The following CCDC85C variants were observed in gnomAD, a reference collection of about 807,000 sequenced individuals.
The protein encoded by CCDC85C is coiled-coil domain containing 85C, also known as coiled-coil domain-containing protein 85C.
Under a neutral mutation model 38.3 loss-of-function variants are expected in CCDC85C, and 18 were observed. The observed-to-expected ratio is 0.47, with a 90% CI of 0.33 to 0.70. CCDC85C has a LOEUF of 0.70. Among genes scored for constraint, CCDC85C ranks in the 30% least tolerant of loss-of-function variants. The pLI is 0.03. For synonymous variants in CCDC85C, 264 were observed against 293.8 expected (o/e 0.90, Z 1.04); for missense variants, 566 against 621.2 (o/e 0.91, Z 0.94).
At chr14:99,574,410 A>G (rs963337583) in intron 1 of CCDC85C, among the ~76,000 whole-genome samples, 2 of 151,960 alleles carry the variant, frequency 1.3e-5, no homozygotes, top group African/African-American at 4.8e-5. Context: ...TCCCCCAAAC[A>G]GGTCCTGTCA....
At chr14:99,561,587 C>G (rs914148398) in intron 1 of CCDC85C, among the ~76,000 whole-genome samples, 3 of 152,194 alleles carry the variant, frequency 2.0e-5, no homozygotes, top group East Asian at 3.9e-4. Context: ...TGCAGTGGCT[C>G]CTGGCTCAGA....
chr14:99,510,127 G>C lies in CCDC85C; in HGVS notation c.*5119C>G, dbSNP rs771078456. The C allele has an allele frequency of 5.7e-6, 9 of 1,574,828 alleles. No individual in the cohort carries two copies. The highest frequency in any genetic ancestry group is 7.7e-6 in the Non-Finnish European group (9 of 1,165,772). ...GAAAAAGCAACCATTGCTGGCGGAG[G>C]CCGGGCACTGATGCGTCTCTCTCCT... On this transcript the variant is annotated 3_prime_UTR_variant, in exon 6 of 6. Transcript: ENST00000380243.
rs1896824764 is a variant in CCDC85C at position 99,501,525 on chromosome 14, G to T, written c.*13721C>A. Reference sequence around the variant, plus strand: ...TGTCAGAAGAAACTGACTTGCCCTGGCTTGAGGAGCCAGTTAATGGCAAAG... The same window carrying T: ...TGTCAGAAGAAACTGACTTGCCCTGTCTTGAGGAGCCAGTTAATGGCAAAG... On this transcript the variant is annotated 3_prime_UTR_variant, in exon 6 of 6. Coordinates refer to ENST00000380243, the MANE Select transcript of CCDC85C (RefSeq NM_001144995.2). 1.3e-6 allele frequency: 1 copy of T among 744,060 alleles called. No homozygotes were observed. Among genetic ancestry groups the T allele is most frequent in the Admixed American group, 2.5e-5 (1 of 40,258 alleles). The allele number at this position is 744,060 out of a possible 1,614,324, so 46.1% of individuals were successfully genotyped here. A position where few individuals can be genotyped will look rare whatever the true frequency, so the allele number is the denominator to read the frequency against.
At chr14:99,537,309 C>T in intron 1 of CCDC85C, among the ~76,000 whole-genome samples, 1 of 152,140 alleles carries the variant, frequency 6.6e-6, no homozygotes, top group East Asian at 1.9e-4. Context: ...GTCCCCATCA[C>T]CACCTCAGGG....
At chr14:99,562,524 T>C (rs17640460) in intron 1 of CCDC85C, among the ~76,000 whole-genome samples, 19,999 of 152,266 alleles carry the variant, frequency 0.13, 1,744 homozygotes, top group Non-Finnish European at 0.2. Context: ...CACAGCCACA[T>C]AGGGCCAGAG....
chr14:99,539,750 G>C (rs1595351303), intron 1 of CCDC85C, among the ~76,000 whole-genome samples: 1 of 152,196 alleles, frequency 6.6e-6, no homozygotes, highest in Admixed American at 6.5e-5. Flanking sequence ...CTGACTGTGC[G>C]GCTGCTCAGA....
intron 1 of CCDC85C, among the ~76,000 whole-genome samples, chr14:99,587,959 GGA>G (rs1429993373): frequency 9.8e-5 from 15 of 152,290 alleles, no homozygotes; most frequent in African/African-American, 3.6e-4. Context: ...CTGTTCTCGT[GGA>G]GAACGTGGCA....
At chr14:99,578,196 T>TGTAC (rs1566780374) in intron 1 of CCDC85C, among the ~76,000 whole-genome samples, 10 of 143,864 alleles carry the variant, frequency 7.0e-5, no homozygotes, top group African/African-American at 2.4e-4. Context: ...TGTGTGTGTG[T>TGTAC]ACATATCTCT....
At chr14:99,577,438 G>A (rs1898504177) in intron 1 of CCDC85C, among the ~76,000 whole-genome samples, 1 of 143,706 alleles carries the variant, frequency 7.0e-6, no homozygotes, top group African/African-American at 2.6e-5. Context: ...GAGGCCCAGG[G>A]TGACTCCATG....
chr14:99,530,780 GGA>G (rs1022851150), intron 2 of CCDC85C, among the ~76,000 whole-genome samples: 3 of 152,218 alleles, frequency 2.0e-5, no homozygotes, highest in African/African-American at 7.2e-5. Context: ...TGAGACTCTG[GGA>G]GAGAGAGGAT....
At chr14:99,589,943 G>A (rs962468007) in intron 1 of CCDC85C, among the ~76,000 whole-genome samples, 7 of 152,146 alleles carry the variant, frequency 4.6e-5, no homozygotes, top group Admixed American at 6.5e-5. Flanking sequence ...GGCAGACCCC[G>A]GGGATGGCTG....
chr14:99,502,298 C>A lies in CCDC85C; in HGVS notation c.*12948G>T. On this transcript the variant is annotated 3_prime_UTR_variant, in exon 6 of 6. Transcript: ENST00000380243. The stretch of plus-strand genomic sequence containing the variant: ...AGGACGTTTGTGCAAATTTGAAATA[C>A]AAGAATGGACCTCCAAACCCATGTA... 1 of 1,612,758 alleles carries A rather than the reference C, an allele frequency of 6.2e-7. No individual in the cohort carries two copies. The highest frequency in any genetic ancestry group is 8.5e-7 in the Non-Finnish European group (1 of 1,179,488).
chr14:99,551,713 G>A (rs538084784), intron 1 of CCDC85C, among the ~76,000 whole-genome samples: 3 of 151,844 alleles, frequency 2.0e-5, no homozygotes, highest in East Asian at 1.9e-4. Flanking sequence ...GGGTGAGCAG[G>A]TGGGTGGGCA....
At chr14:99,556,267 A>C (rs1186550038) in intron 1 of CCDC85C, among the ~76,000 whole-genome samples, 1 of 152,188 alleles carries the variant, frequency 6.6e-6, no homozygotes, top group Non-Finnish European at 1.5e-5. Flanking sequence ...ACATTTTTAA[A>C]ATTAGCCGGG....
At chr14:99,517,238 AC>A in intron 3 of CCDC85C, 55 bp from the exon 4 acceptor site, 1 of 1,369,744 alleles carries the variant, frequency 7.3e-7, no homozygotes, top group Non-Finnish European at 9.9e-7. Context: ...CACAGGAATG[AC>A]CGGTGGCTCA....
rs2055246636 is a variant in CCDC85C, at chr14:99,604,116, C to G, written c.-157G>C. 1.1e-4 allele frequency: 41 copies of G among 372,186 alleles called. No homozygotes were observed. Among genetic ancestry groups the G allele is most frequent in the Non-Finnish European group, 1.4e-4 (38 of 276,926 alleles). 23.1% of individuals were successfully genotyped at this position (372,186 alleles called of 1,614,324 possible). Reference sequence around the variant, plus strand: ...TGGCGCGTCCTCTCGCCGCGCCCGCCGGGGCCGCCCGGGAGCCCGCGCGCC... The same window carrying G: ...TGGCGCGTCCTCTCGCCGCGCCCGCGGGGGCCGCCCGGGAGCCCGCGCGCC... On this transcript the variant is annotated 5_prime_UTR_variant, in exon 1 of 6. Transcript: ENST00000380243.
chr14:99,590,150 T>C (rs8181914), intron 1 of CCDC85C, among the ~76,000 whole-genome samples: 12,775 of 152,246 alleles, frequency 0.084, 1,070 homozygotes, highest in African/African-American at 0.21. Context: ...AGAGCAGCCC[T>C]GGGCTGGGGA....
chr14:99,534,300 G>A (rs1474575531), intron 2 of CCDC85C, among the ~76,000 whole-genome samples: 2 of 151,730 alleles, frequency 1.3e-5, no homozygotes, highest in Non-Finnish European at 2.9e-5. Context: ...GGGTTGTGGT[G>A]AGCTGAGATC....
rs1026297435 is a variant in CCDC85C at position 99,545,858 on chromosome 14, A to C, written c.794-9770T>G. On this transcript the variant is annotated intron_variant, in intron 1 of 5. Coordinates refer to ENST00000380243, the MANE Select transcript of CCDC85C (RefSeq NM_001144995.2). This position sits in a 1 kb window ranked among gnomAD's most constrained non-coding sequence, Gnocchi z 4.7. The stretch of plus-strand genomic sequence containing the variant: ...GGGAGGGACCTGGGCATCAGTTTGC[A>C]TTTTAAACGCCCTGTGGGTGATTCT... Among the ~76,000 whole-genome samples, 20 of 152,168 alleles carry C rather than the reference A, an allele frequency of 1.3e-4. No homozygotes were observed. The highest frequency in any genetic ancestry group is 4.1e-4 in the African/African-American group (17 of 41,518).
Sources: gnomAD v4.1 joint callset for allele counts (sites outside exome capture counted in the v4.1 genomes callset) on GRCh38, gnomAD v4.1.1 for gene constraint, Gnocchi (gnomAD v3.1) non-coding constraint, MANE v1.5 for transcripts, NCBI Gene and HGNC (gene_info 2026-07-23, HGNC 2026-07-21) for gene names.